SMARCB1: variants seen among roughly 807,000 people sequenced by gnomAD.
SMARCB1 encodes SWI/SNF related BAF chromatin remodeling complex subunit B1, also known as SWI/SNF-related matrix-associated actin-dependent regulator of chromatin subfamily B member 1.
A neutral mutation model predicts 49.0 loss-of-function variants in SMARCB1; 5 were observed. That is an observed-to-expected ratio of 0.10 (90% confidence interval 0.05 to 0.21). SMARCB1 has a LOEUF of 0.21. SMARCB1 is among the 10% of genes least tolerant of loss of function. The pLI is 1.00. For synonymous variants in SMARCB1, 201 were observed against 200.1 expected (o/e 1.00, Z -0.04); for missense variants, 226 against 509.2 (o/e 0.44, Z 5.35).
chr22:23,807,022 G>A (rs1184068773), intron 5 of SMARCB1, among the ~76,000 whole-genome samples: 2 of 152,078 alleles, frequency 1.3e-5, no homozygotes, highest in Admixed American at 6.6e-5. Context: ...TTGAAGTAGT[G>A]CTTCTCTGAA....
intron 6 of SMARCB1, chr22:23,824,950 T>G: frequency 1.9e-5 from 10 of 533,842 alleles, no homozygotes; most frequent in Admixed American, 3.1e-5. Context: ...GGAGATGGGA[T>G]GAAGGTAAGG....
chr22:23,836,976 C>A lies in SMARCB1; in HGVS notation c.*2796C>A, dbSNP rs2031100824. ...AGGAGCAGCTTTCTGTGGGGAGGGGCCCGTGTTGAGCACAGGCCAGCACAG... is the reference window on the plus strand; with the variant it reads ...AGGAGCAGCTTTCTGTGGGGAGGGGACCGTGTTGAGCACAGGCCAGCACAG... On this transcript the variant is annotated 3_prime_UTR_variant, in exon 9 of 9. Transcript: ENST00000644036. 1 of 1,604,264 alleles carries A rather than the reference C, an allele frequency of 6.2e-7. No homozygotes were observed. The highest frequency in any genetic ancestry group is 1.3e-5 in the African/African-American group (1 of 74,478).
At chr22:23,832,264 C>G (rs1481271778) in intron 7 of SMARCB1, among the ~76,000 whole-genome samples, 1 of 152,180 alleles carries the variant, frequency 6.6e-6, no homozygotes, top group Non-Finnish European at 1.5e-5. Flanking sequence ...CTAGGAAGCT[C>G]CCTCAGTGGA....
At chr22:23,796,915 C>A (rs1928783926) in intron 3 of SMARCB1, among the ~76,000 whole-genome samples, 1 of 152,144 alleles carries the variant, frequency 6.6e-6, no homozygotes, top group African/African-American at 2.4e-5. Context: ...GGCACCCTCC[C>A]CATCCTGTCA....
At chr22:23,833,540 G>A (rs752384073) in intron 7 of SMARCB1, 32 bp from the exon 8 acceptor site, 17 of 1,614,090 alleles carry the variant, frequency 1.1e-5, no homozygotes, top group Admixed American at 3.3e-5. Flanking sequence ...AGCTGGAAAA[G>A]TCATTCCTCT....
intron 1 of SMARCB1, among the ~76,000 whole-genome samples, chr22:23,789,065 G>A (rs1175207715): frequency 1.3e-5 from 2 of 152,132 alleles, no homozygotes; most frequent in Non-Finnish European, 2.9e-5. Flanking sequence ...GTCCAGGCTG[G>A]TCTTAAACTT....
chr22:23,820,509 G>A (rs1423405692), intron 6 of SMARCB1, among the ~76,000 whole-genome samples: 2 of 152,196 alleles, frequency 1.3e-5, no homozygotes, highest in Non-Finnish European at 2.9e-5. Context: ...GGGAGGCGGA[G>A]GTTGCAGTGA....
At chr22:23,828,744 G>T (rs1036777755) in intron 7 of SMARCB1, among the ~76,000 whole-genome samples, 1 of 152,186 alleles carries the variant, frequency 6.6e-6, no homozygotes, top group African/African-American at 2.4e-5. Context: ...CTCCCAGCCA[G>T]AGCTCAGTGC....
chr22:23,816,050 T>A (rs1307543270), intron 5 of SMARCB1: 1 of 153,174 alleles, frequency 6.5e-6, no homozygotes, highest in African/African-American at 2.4e-5. Flanking sequence ...TGCTTCTTGA[T>A]GATGGAATCC....
In SMARCB1 at chr22:23,801,351, C is replaced by A. The variant is rs185393796; in HGVS notation, c.500+270C>A. The stretch of plus-strand genomic sequence containing the variant: ...GTTACTCAGGGCGCGGTCCTTGGGC[C>A]CTTTCTCTGCCCTCAGTTTCACATG... On this transcript the variant is annotated intron_variant, in intron 4 of 8. Transcript: ENST00000644036. 1.5e-4 allele frequency: 104 copies of A among 691,000 alleles called. 1 individual carries two copies. The Admixed American group carries it at 1.7e-3, about 12-fold the overall frequency. The allele number at this position is 691,000 out of a possible 1,614,324, so 42.8% of individuals were successfully genotyped here.
chr22:23,808,738 G>A (rs1449596236), intron 5 of SMARCB1, among the ~76,000 whole-genome samples: 6 of 141,756 alleles, frequency 4.2e-5, no homozygotes, highest in African/African-American at 8.0e-5. Context: ...CGCTCTTGTT[G>A]CCCAGGCTGG....
chr22:23,835,764 CTG>C lies in SMARCB1; in HGVS notation c.*1588_*1589del. The C allele has an allele frequency of 1.0e-6, 1 of 985,484 alleles. No homozygotes were observed. The highest frequency in any genetic ancestry group is 1.2e-6 in the Non-Finnish European group (1 of 829,944). The allele number at this position is 985,484 out of a possible 1,614,324, so 61.0% of individuals were successfully genotyped here. On this transcript the variant is annotated 3_prime_UTR_variant, in exon 9 of 9. Transcript: ENST00000644036. ...TCGGCAATGAAAGGGTGAGGCAGCCCTGTGTCTCCACAACTGGGGGGATGGAA... is the reference window on the plus strand; with the variant it reads ...TCGGCAATGAAAGGGTGAGGCAGCCCTGTCTCCACAACTGGGGGGATGGAA...
chr22:23,831,037 T>C (rs2030631294), intron 7 of SMARCB1, among the ~76,000 whole-genome samples: 1 of 152,186 alleles, frequency 6.6e-6, no homozygotes, highest in Admixed American at 6.5e-5. Context: ...TCCAGAGTCA[T>C]GTTGCCCCAG....
At chr22:23,822,617 C>T (rs1027813468) in intron 6 of SMARCB1, among the ~76,000 whole-genome samples, 1 of 152,216 alleles carries the variant, frequency 6.6e-6, no homozygotes, top group Non-Finnish European at 1.5e-5. Context: ...GCCTCAGGGC[C>T]CTAACTGCTC....
chr22:23,821,862 CA>C (rs35051501), intron 6 of SMARCB1, among the ~76,000 whole-genome samples: 260 of 117,280 alleles, frequency 2.2e-3, no homozygotes, highest in Non-Finnish European at 2.2e-3. Flanking sequence ...GACTCTGTCT[CA>C]AAAAAAAAAA....
intron 5 of SMARCB1, among the ~76,000 whole-genome samples, chr22:23,806,620 C>T (rs1036112995): frequency 1.3e-5 from 2 of 152,042 alleles, no homozygotes; most frequent in Non-Finnish European, 2.9e-5. Context: ...TATGTTCAGC[C>T]CACCTTCAGA....
rs950453239 is a variant in SMARCB1 at position 23,837,497 on chromosome 22, AGG to A, written c.*3320_*3321del. 8 of 759,574 alleles carry A rather than the reference AGG, an allele frequency of 1.1e-5. No individual in the cohort carries two copies. The African/African-American group carries it at 1.1e-4, about 10-fold the overall frequency. The allele number at this position is 759,574 out of a possible 1,614,324, so 47.1% of individuals were successfully genotyped here. ...CAAATTATGTGGGCCGGCTGGCTTG[AGG>A]GGCTGTAAGAGCACAGCAGCTGGGA... On this transcript the variant is annotated 3_prime_UTR_variant, in exon 9 of 9. Transcript: ENST00000644036.
In SMARCB1 at chr22:23,801,118, T is replaced by C. The variant is rs763421685; in HGVS notation, c.500+37T>C. On this transcript the variant is annotated intron_variant, in intron 4 of 8. Coordinates refer to ENST00000644036, the MANE Select transcript of SMARCB1 (RefSeq NM_003073.5). The stretch of plus-strand genomic sequence containing the variant: ...TCGCTGCACTCACCCTCCGTGCTGA[T>C]TCCGCCTTAGTTCTCCAGCACGTTT... 6.2e-7 allele frequency: 1 copy of C among 1,614,206 alleles called. No individual in the cohort carries two copies. The highest frequency in any genetic ancestry group is 8.5e-7 in the Non-Finnish European group (1 of 1,180,022).
rs2031012497 is a variant in SMARCB1 at position 23,835,908 on chromosome 22, A to G, written c.*1728A>G. The stretch of plus-strand genomic sequence containing the variant: ...CACACCGCCGCAAAGCCATCTCCAC[A>G]AGGTCTGGCTACAACACGGAGGGCA... On this transcript the variant is annotated 3_prime_UTR_variant, in exon 9 of 9. Coordinates refer to ENST00000644036, the MANE Select transcript of SMARCB1 (RefSeq NM_003073.5). The G allele has an allele frequency of 2.0e-6, 2 of 985,482 alleles. No homozygotes were observed. The highest frequency in any genetic ancestry group is 1.2e-6 in the Non-Finnish European group (1 of 829,952). 61.0% of individuals were successfully genotyped at this position (985,482 alleles called of 1,614,324 possible).
Sources: allele counts gnomAD v4.1 joint callset (sites outside exome capture counted in the v4.1 genomes callset), GRCh38; gene constraint gnomAD v4.1.1; transcripts MANE v1.5; gene names NCBI Gene and HGNC (gene_info 2026-07-23, HGNC 2026-07-21).